The following CHD9 variants were observed in gnomAD, a reference collection of about 807,000 sequenced individuals.
The protein encoded by CHD9 is chromodomain helicase DNA binding protein 9.
CHD9 carries 77 observed loss-of-function variants against 316.1 expected under a neutral mutation model. The observed-to-expected ratio is 0.24, with a 90% CI of 0.20 to 0.29. The LOEUF (loss-of-function observed/expected upper bound fraction) is 0.29, where lower values mean the gene tolerates loss of function less well. Ranked by LOEUF, CHD9 falls within the 10% of genes least tolerant of loss-of-function variation. The pLI, the probability that CHD9 is intolerant of heterozygous loss-of-function variation, is 1.00. For missense variants in CHD9, 2,763 were observed against 3,438.1 expected, an observed-to-expected ratio of 0.80 and a Z score of 4.91; for synonymous variants, 1,129 against 1,158.3, an observed-to-expected ratio of 0.97 and a Z score of 0.51.
chr16:53,203,143 A>G (rs1033495868), intron 2 of CHD9, among the ~76,000 whole-genome samples: 1 of 152,236 alleles, frequency 6.6e-6, no homozygotes, highest in Non-Finnish European at 1.5e-5. Flanking sequence ...TTGATTTAAT[A>G]TGAATATTTA....
At chr16:53,239,353 G>T (rs1472893074) in intron 12 of CHD9, among the ~76,000 whole-genome samples, 1 of 152,068 alleles carries the variant, frequency 6.6e-6, no homozygotes. Context: ...GGGAGGCCGA[G>T]GTGGGAGGAT....
In CHD9 at chr16:53,127,618, G is replaced by A. The variant is rs559139575; in HGVS notation, c.-164-28308G>A. ...GATTTTAGACTATCTGTAAAATGGG[G>A]GCGGGGGGGAATCCCTTTCTCAACG... On this transcript the variant is annotated intron_variant, in intron 1 of 38. Transcript: ENST00000447540. 6.8e-3 allele frequency among the ~76,000 whole-genome samples: 1,033 copies of A among 152,096 alleles called. 6 individuals are homozygous for A. The highest frequency in any genetic ancestry group is 0.01 in the Middle Eastern group (3 of 292).
chr16:53,276,483 A>G (rs1276869350), intron 24 of CHD9, among the ~76,000 whole-genome samples: 2 of 152,108 alleles, frequency 1.3e-5, no homozygotes, highest in Non-Finnish European at 1.5e-5. Context: ...CCCTCCAATA[A>G]TGACCTTGCT....
intron 1 of CHD9, among the ~76,000 whole-genome samples, chr16:53,151,211 C>T (rs2041082570): frequency 8.4e-6 from 1 of 119,724 alleles, no homozygotes; most frequent in Non-Finnish European, 1.8e-5. Context: ...CTCCCCTCCC[C>T]TCCCCCCCTC....
At chr16:53,179,759 T>A (rs2043351257) in intron 2 of CHD9, among the ~76,000 whole-genome samples, 1 of 151,876 alleles carries the variant, frequency 6.6e-6, no homozygotes, top group Non-Finnish European at 1.5e-5. Context: ...TAGCCTGGTG[T>A]GGTGGCACGC....
chr16:53,099,625 C>A (rs2036668943), intron 1 of CHD9, among the ~76,000 whole-genome samples: 1 of 152,194 alleles, frequency 6.6e-6, no homozygotes, highest in Non-Finnish European at 1.5e-5. Context: ...CAGACAGAGG[C>A]AACCTGACCT....
chr16:53,209,294 G>A (rs965227620), intron 2 of CHD9, among the ~76,000 whole-genome samples, 188 bp from the exon 3 acceptor site: 1 of 152,108 alleles, frequency 6.6e-6, no homozygotes, highest in African/African-American at 2.4e-5. Flanking sequence ...TTTAAAAGTA[G>A]CAATTGAGCT....
At chr16:53,184,280 C>T (rs193166887) in intron 2 of CHD9, among the ~76,000 whole-genome samples, 2 of 152,020 alleles carry the variant, frequency 1.3e-5, no homozygotes, top group Admixed American at 6.6e-5. Context: ...AGATATGGCA[C>T]TAAAAGAAAG....
intron 1 of CHD9, among the ~76,000 whole-genome samples, chr16:53,061,855 A>G (rs533808615): frequency 6.6e-6 from 1 of 152,364 alleles, no homozygotes; most frequent in South Asian, 2.1e-4. Flanking sequence ...AGTGTCTCCA[A>G]CAAAGTGTTT....
intron 12 of CHD9, among the ~76,000 whole-genome samples, chr16:53,238,855 A>G (rs1026289718): frequency 6.6e-6 from 1 of 152,170 alleles, no homozygotes; most frequent in Non-Finnish European, 1.5e-5. Flanking sequence ...TAATTTTTCA[A>G]CTAGAATAAT....
intron 1 of CHD9, among the ~76,000 whole-genome samples, chr16:53,074,738 C>T (rs1023480972): frequency 6.6e-6 from 1 of 152,190 alleles, no homozygotes; most frequent in Admixed American, 6.5e-5. Flanking sequence ...TGGGAACCTC[C>T]GCCTAGATTT....
intron 1 of CHD9, among the ~76,000 whole-genome samples, chr16:53,136,059 G>C (rs1389210191): frequency 6.6e-6 from 1 of 151,934 alleles, no homozygotes; most frequent in African/African-American, 2.4e-5. Context: ...TTTTAATGAG[G>C]CTTCTCATTT....
intron 2 of CHD9, among the ~76,000 whole-genome samples, chr16:53,164,979 T>G (rs969570543): frequency 3.3e-5 from 5 of 152,086 alleles, no homozygotes; most frequent in African/African-American, 9.7e-5. Context: ...TTTATAAGAT[T>G]ATGTGTAAGA....
intron 1 of CHD9, among the ~76,000 whole-genome samples, chr16:53,080,067 G>A (rs559441441): frequency 5.3e-5 from 8 of 152,258 alleles, no homozygotes; most frequent in African/African-American, 1.9e-4. Flanking sequence ...AGCAATCTGT[G>A]CAACTAAGCC....
chr16:53,154,595 G>C (rs910207797), intron 1 of CHD9, among the ~76,000 whole-genome samples: 4 of 152,154 alleles, frequency 2.6e-5, no homozygotes, highest in Non-Finnish European at 5.9e-5. Flanking sequence ...GGATGAAACT[G>C]TTCCACCTCA....
At chr16:53,104,636 C>A (rs1345716312) in intron 1 of CHD9, among the ~76,000 whole-genome samples, 2 of 151,862 alleles carry the variant, frequency 1.3e-5, no homozygotes, top group Admixed American at 1.3e-4. Flanking sequence ...CATGGTGAAA[C>A]CCCATCTCTA....
chr16:53,095,756 G>C (rs77222264), intron 1 of CHD9, among the ~76,000 whole-genome samples: 253 of 152,186 alleles, frequency 1.7e-3, no homozygotes, highest in South Asian at 3.1e-3. Flanking sequence ...TGGACATTTG[G>C]GTTGTTACCA....
At chr16:53,238,261 T>G in intron 11 of CHD9, 82 bp from the exon 12 acceptor site, 1 of 1,222,828 alleles carries the variant, frequency 8.2e-7, no homozygotes, top group Non-Finnish European at 1.1e-6. Context: ...TTATTTGATC[T>G]TTGATTATTT....
At chr16:53,251,614 A>G (rs1347990769) in intron 17 of CHD9, among the ~76,000 whole-genome samples, 1 of 152,224 alleles carries the variant, frequency 6.6e-6, no homozygotes, top group African/African-American at 2.4e-5. Flanking sequence ...GCCACATTTT[A>G]TGATTTAATT....
Sources: gnomAD v4.1 joint callset for allele counts (sites outside exome capture counted in the v4.1 genomes callset) on GRCh38, gnomAD v4.1.1 for gene constraint, MANE v1.5 for transcripts, NCBI Gene and HGNC (gene_info 2026-07-23, HGNC 2026-07-21) for gene names.